The following ATP13A4 variants were observed in gnomAD, a reference collection of about 807,000 sequenced individuals.
ATP13A4 encodes ATPase 13A4.
In ATP13A4, 114 loss-of-function variants were observed where a neutral mutation model predicts 142.5. That is an observed-to-expected ratio of 0.80 (90% confidence interval 0.69 to 0.93). The LOEUF is 0.93. Ranked by LOEUF, ATP13A4 falls within the 40% of genes least tolerant of loss-of-function variation. The pLI is 0.00. For synonymous variants in ATP13A4, 488 were observed against 514.8 expected (o/e 0.95, Z 0.70); for missense variants, 1,392 against 1,454.0 (o/e 0.96, Z 0.69).
intron 8 of ATP13A4, among the ~76,000 whole-genome samples, chr3:193,473,227 G>A (rs982726515): frequency 3.9e-5 from 6 of 152,108 alleles, no homozygotes; most frequent in African/African-American, 1.4e-4. Context: ...ACTTTAAAGG[G>A]CTCTCACTGC....
intron 2 of ATP13A4, 90 bp downstream of exon 2, chr3:193,514,608 G>C: frequency 6.6e-7 from 1 of 1,525,938 alleles, no homozygotes; most frequent in Non-Finnish European, 9.0e-7. Flanking sequence ...CCTGCTATCT[G>C]TCTTGTGCAC....
intron 1 of ATP13A4, among the ~76,000 whole-genome samples, chr3:193,517,626 G>A (rs113354526): frequency 6.6e-6 from 1 of 152,142 alleles, no homozygotes; most frequent in Admixed American, 6.5e-5. Context: ...GACTACAGGC[G>A]CCCGCCACCA....
intron 1 of ATP13A4, among the ~76,000 whole-genome samples, chr3:193,522,195 G>C (rs1271711707): frequency 6.6e-6 from 1 of 152,136 alleles, no homozygotes; most frequent in African/African-American, 2.4e-5. Flanking sequence ...GTCAGCTACT[G>C]CCTATGGAAA....
In ATP13A4 at chr3:193,514,891, A is replaced by T; in HGVS notation, c.61-20T>A. ...TATCTCCTGGGACAGAATCAAAATG[A>T]TACCAAATATTGGTTAAGCACAATA... On this transcript the variant is annotated intron_variant, in intron 1 of 29. Coordinates refer to ENST00000342695, the MANE Select transcript of ATP13A4 (RefSeq NM_032279.4). 1.2e-6 allele frequency: 2 copies of T among 1,612,120 alleles called. No homozygotes were observed. The highest frequency in any genetic ancestry group is 1.7e-6 in the Non-Finnish European group (2 of 1,178,182).
At chr3:193,579,889 ACAT>A (rs1191059394) in intron 2 of ATP13A4, among the ~76,000 whole-genome samples, 1 of 152,262 alleles carries the variant, frequency 6.6e-6, no homozygotes, top group Non-Finnish European at 1.5e-5. Flanking sequence ...AATGAGATAC[ACAT>A]ATTAGCAAAT....
intron 1 of ATP13A4, among the ~76,000 whole-genome samples, chr3:193,551,877 C>T (rs1054025461): frequency 6.6e-5 from 10 of 152,224 alleles, no homozygotes; most frequent in African/African-American, 2.4e-4. Context: ...TGGGTCCTGT[C>T]TCATTTCGCA....
chr3:193,582,493 T>C (rs1724569896), intron 1 of ATP13A4, among the ~76,000 whole-genome samples: 1 of 144,010 alleles, frequency 6.9e-6, no homozygotes, highest in South Asian at 2.1e-4. Flanking sequence ...TATACATGTA[T>C]ATACTTATAA....
intron 1 of ATP13A4, among the ~76,000 whole-genome samples, chr3:193,541,058 G>A (rs1722873710): frequency 6.6e-6 from 1 of 151,958 alleles, no homozygotes; most frequent in South Asian, 2.1e-4. Context: ...GAGCATCCTG[G>A]CTAACACGGT....
chr3:193,574,520 G>A (rs1338867656), intron 2 of ATP13A4, among the ~76,000 whole-genome samples: 2 of 152,096 alleles, frequency 1.3e-5, no homozygotes, highest in South Asian at 2.1e-4. Flanking sequence ...GGAGTTCAAG[G>A]CCAGCCTGGC....
At chr3:193,541,249 A>G (rs1722899714) in intron 1 of ATP13A4, among the ~76,000 whole-genome samples, 1 of 111,228 alleles carries the variant, frequency 9.0e-6, no homozygotes, top group Non-Finnish European at 2.0e-5. Flanking sequence ...ACTCCTTCTC[A>G]AAAAAAAAAA....
At chr3:193,578,503 T>C (rs1724459111) in intron 2 of ATP13A4, among the ~76,000 whole-genome samples, 1 of 152,140 alleles carries the variant, frequency 6.6e-6, no homozygotes, top group East Asian at 1.9e-4. Context: ...TGGTGATTCA[T>C]TTTGTGTGTC....
At chr3:193,474,322 C>CAAAAAAAAAA (rs1176133187) in intron 8 of ATP13A4, among the ~76,000 whole-genome samples, 1 of 69,090 alleles carries the variant, frequency 1.4e-5, no homozygotes, top group Non-Finnish European at 2.8e-5. Flanking sequence ...GACTCCGTCT[C>CAAAAAAAAAA]AAAAAAAAAA....
intron 1 of ATP13A4, among the ~76,000 whole-genome samples, chr3:193,545,245 C>T (rs933162335): frequency 2.0e-5 from 3 of 152,138 alleles, no homozygotes; most frequent in Non-Finnish European, 2.9e-5. Context: ...ATCCTTCAGC[C>T]ATAGTTCCCC....
intron 2 of ATP13A4, among the ~76,000 whole-genome samples, chr3:193,561,382 A>G (rs531021110): frequency 3.9e-5 from 6 of 152,312 alleles, no homozygotes; most frequent in Admixed American, 6.5e-5. Context: ...TCTGCTTGCC[A>G]TTCTTCCAAA....
intron 25 of ATP13A4, among the ~76,000 whole-genome samples, chr3:193,424,263 A>C (rs1302093174): frequency 6.7e-6 from 1 of 149,426 alleles, no homozygotes; most frequent in African/African-American, 2.5e-5. Flanking sequence ...TACCTAAAAC[A>C]ATCTACAGAT....
At chr3:193,585,096 C>T (rs1002897980) in intron 1 of ATP13A4, among the ~76,000 whole-genome samples, 1 of 152,162 alleles carries the variant, frequency 6.6e-6, no homozygotes, top group East Asian at 1.9e-4. Flanking sequence ...AACATAAATT[C>T]GCAAACTTTG....
intron 27 of ATP13A4, 52 bp from the exon 28 acceptor site, chr3:193,411,122 G>T: frequency 1.7e-6 from 2 of 1,204,770 alleles, no homozygotes; most frequent in South Asian, 1.2e-5. Context: ...AGTGAAAAAT[G>T]TCACATATAT....
At chr3:193,485,252 A>T (rs1369471837) in intron 7 of ATP13A4, among the ~76,000 whole-genome samples, 1 of 152,142 alleles carries the variant, frequency 6.6e-6, no homozygotes, top group African/African-American at 2.4e-5. Flanking sequence ...GGGTGAATGA[A>T]GGCAGGAGAA....
chr3:193,529,178 G>A (rs539644549), intron 1 of ATP13A4, among the ~76,000 whole-genome samples: 1 of 152,068 alleles, frequency 6.6e-6, no homozygotes, highest in African/African-American at 2.4e-5. Context: ...GCTGAGGCAG[G>A]AGAATCGCTT....
Sources: gnomAD v4.1 joint callset for allele counts (sites outside exome capture counted in the v4.1 genomes callset) on GRCh38, gnomAD v4.1.1 for gene constraint, MANE v1.5 for transcripts, NCBI Gene and HGNC (gene_info 2026-07-23, HGNC 2026-07-21) for gene names.